FAM186A: variants seen among roughly 807,000 people sequenced by gnomAD.
FAM186A encodes the protein protein FAM186A.
Under a neutral mutation model 216.8 loss-of-function variants are expected in FAM186A, and 163 were observed. That is an observed-to-expected ratio of 0.75 (90% CI 0.66 to 0.86). The LOEUF is 0.86. FAM186A is among the 40% of genes least tolerant of loss of function. FAM186A has a pLI of 0.00. For synonymous variants in FAM186A, 805 were observed against 1,025.3 expected, an observed-to-expected ratio of 0.79 and a Z score of 4.10; for missense variants, 2,184 against 2,746.2, an observed-to-expected ratio of 0.80 and a Z score of 4.58.
In FAM186A at chr12:50,351,072, A is replaced by C; in HGVS notation, c.5760T>G (p.Ser1920=). The C allele has an allele frequency of 6.4e-7, 1 of 1,551,428 alleles. No homozygotes were observed. The highest frequency in any genetic ancestry group is 8.7e-7 in the Non-Finnish European group (1 of 1,146,958). The part of the protein sequence containing the change: ...LATWTLPGRA[S]SLWIPPTSRH... ...TAGAGGTGGGAGGGATCCATAATGAAGAAGCTCGCCCAGGAAGGGTCCATG... is the reference window on the plus strand; with the variant it reads ...TAGAGGTGGGAGGGATCCATAATGACGAAGCTCGCCCAGGAAGGGTCCATG... The change falls in exon 4 of 8, where the codon TCT becomes TCG. Residue 1920 remains serine, a synonymous_variant. Transcript: ENST00000327337.
rs1670969447 is a variant in FAM186A at position 50,334,045 on chromosome 12, T to A, written c.6562A>T (p.Arg2188Trp). The A allele has an allele frequency of 1.9e-6, 3 of 1,551,560 alleles. No homozygotes were observed. The African/African-American group carries it at 4.1e-5, about 21-fold the overall frequency. ...CTGCTCAGCATCATGTGGAGGTTCC[T>A]GGCCTCATAGCCTTTCCCAGTATTT... ...IQNTGKGYEA[R>W]NLHMMLSRLD... The change falls in exon 5 of 8, where the codon AGG becomes TGG. Residue 2188 changes from arginine to tryptophan, a missense_variant. By Grantham distance (101) the Arg-to-Trp change is moderately radical. Coordinates refer to ENST00000327337, the MANE Select transcript of FAM186A (RefSeq NM_001145475.3).
At chr12:50,383,045 C>T (rs933893952) in intron 1 of FAM186A, among the ~76,000 whole-genome samples, 1 of 151,526 alleles carries the variant, frequency 6.6e-6, no homozygotes, top group African/African-American at 2.4e-5. Context: ...GGAGAAACCC[C>T]ATCTCTATAA....
intron 2 of FAM186A, among the ~76,000 whole-genome samples, chr12:50,361,568 CTTTT>C (rs55919945): frequency 2.0e-4 from 26 of 133,276 alleles, no homozygotes; most frequent in South Asian, 2.4e-4. Context: ...ATCCAGTTGT[CTTTT>C]TTTTTTTTTT....
chr12:50,355,175 C>G lies in FAM186A; in HGVS notation c.1657G>C (p.Glu553Gln), dbSNP rs1439961125. 16 of 1,551,534 alleles carry G rather than the reference C, an allele frequency of 1.0e-5. No individual in the cohort carries two copies. The South Asian group carries it at 1.9e-4, about 18-fold the overall frequency. The change falls in exon 4 of 8, where the codon GAA (glutamate) becomes CAA (glutamine). Residue 553 changes from glutamate (E) to glutamine (Q), a missense_variant. By Grantham distance (29) the Glu-to-Gln change is conservative (BLOSUM62 2). Around this residue, in one of 7 missense-constraint regions of FAM186A, gnomAD observed 1,132 missense variants for 1,263.4 expected, o/e 0.90. Transcript: ENST00000327337. Reference protein sequence around the residue: ...MLEQFRKVKRESPFDKRPTAA... With the variant: ...MLEQFRKVKRQSPFDKRPTAA... ...GTTGGACGTTTGTCAAATGGAGATTCACGTTTGACCTTCCTAAATTGCTCC... is the reference window on the plus strand; with the variant it reads ...GTTGGACGTTTGTCAAATGGAGATTGACGTTTGACCTTCCTAAATTGCTCC...
At chr12:50,334,175 C>CA in intron 4 of FAM186A, 72 bp from the exon 5 acceptor site, 2 of 1,004,146 alleles carry the variant, frequency 2.0e-6, no homozygotes, top group Non-Finnish European at 2.7e-6. Flanking sequence ...TCCTCAGTTT[C>CA]TTTTTTTTTT....
chr12:50,380,404 G>A (rs143737054), intron 1 of FAM186A, among the ~76,000 whole-genome samples: 176 of 151,510 alleles, frequency 1.2e-3, no homozygotes, highest in South Asian at 3.3e-3. Context: ...GTTCGGGTGC[G>A]GTGGCTCACG....
chr12:50,369,985 G>A (rs1416132962), intron 1 of FAM186A, among the ~76,000 whole-genome samples: 1 of 151,466 alleles, frequency 6.6e-6, no homozygotes, highest in Non-Finnish European at 1.5e-5. Context: ...TTAGCCGGGC[G>A]TGGTGGTGGG....
chr12:50,350,987 G>C lies in FAM186A; in HGVS notation c.5845C>G (p.Pro1949Ala). The C allele has an allele frequency of 6.4e-7, 1 of 1,551,568 alleles. No homozygotes were observed. The highest frequency in any genetic ancestry group is 8.7e-7 in the Non-Finnish European group (1 of 1,146,978). Reference sequence around the variant, plus strand: ...GCCAATCTTTTCTTAGCAACAGAAGGGGACCAACTTTTCTGGGGCTTTCCA... The same window carrying C: ...GCCAATCTTTTCTTAGCAACAGAAGCGGACCAACTTTTCTGGGGCTTTCCA... ...APGKPQKSWS[P>A]SVAKKRLAII... Residue 1949 changes from proline to alanine, a missense_variant, in exon 4 of 8, where the codon CCT becomes GCT. Pro to Ala is a conservative substitution (Grantham distance 27). Coordinates refer to ENST00000327337, the MANE Select transcript of FAM186A (RefSeq NM_001145475.3).
intron 1 of FAM186A, among the ~76,000 whole-genome samples, chr12:50,388,973 C>T (rs1943331621): frequency 6.6e-6 from 1 of 151,822 alleles, no homozygotes; most frequent in East Asian, 1.9e-4. Context: ...TCACTTGAGC[C>T]TGGGAGGCGT....
intron 4 of FAM186A, among the ~76,000 whole-genome samples, chr12:50,341,789 C>T (rs1196981411): frequency 1.3e-5 from 2 of 152,030 alleles, no homozygotes; most frequent in Admixed American, 6.6e-5. Context: ...GAGCTGAGAT[C>T]GTGCCCCTGC....
At chr12:50,380,294 G>A (rs1440430569) in intron 1 of FAM186A, among the ~76,000 whole-genome samples, 2 of 152,068 alleles carry the variant, frequency 1.3e-5, no homozygotes, top group Non-Finnish European at 2.9e-5. Flanking sequence ...CTTAATAAAT[G>A]TCCTTCTTAT....
chr12:50,335,174 T>A (rs1031428250), intron 4 of FAM186A, among the ~76,000 whole-genome samples: 2 of 152,100 alleles, frequency 1.3e-5, no homozygotes, highest in Non-Finnish European at 2.9e-5. Flanking sequence ...AGAGGCTTGC[T>A]TGAGCCTAGG....
Position 50,356,011 on chromosome 12 carries a change from A to G in FAM186A, c.821T>C (p.Met274Thr), listed in dbSNP as rs1942972713. The part of the protein sequence containing the change: ...TIVNLSTALS[M>T]LNDELKCVNF... ...AACACATTTTAATTCATCATTTAGC[A>G]TACTCAAAGCTGTAGAAAGGTTTAC... The change falls in exon 4 of 8, where the codon ATG (methionine) becomes ACG (threonine). Residue 274 changes from methionine (M) to threonine (T), a missense_variant. Physicochemically the swap from Met to Thr is moderately conservative, Grantham distance 81 (BLOSUM62 -1). This residue lies in a region of FAM186A where 1,132 missense variants were observed against 1,263.4 expected (regional missense o/e 0.90). Transcript: ENST00000327337. The G allele has an allele frequency of 1.3e-6, 2 of 1,551,646 alleles. No homozygotes were observed. The highest frequency in any genetic ancestry group is 1.7e-6 in the Non-Finnish European group (2 of 1,146,978).
intron 1 of FAM186A, among the ~76,000 whole-genome samples, chr12:50,368,308 G>A (rs1943110101): frequency 6.6e-6 from 1 of 151,970 alleles, no homozygotes; most frequent in Non-Finnish European, 1.5e-5. Flanking sequence ...GGCTGAGGCA[G>A]GAGAATTTCT....
chr12:50,336,535 G>T (rs575139952), intron 4 of FAM186A, among the ~76,000 whole-genome samples: 15 of 152,156 alleles, frequency 9.9e-5, no homozygotes, highest in African/African-American at 3.6e-4. Context: ...TTAGTGGTAG[G>T]CTTCAGGAAT....
chr12:50,383,211 A>G (rs1002633233), intron 1 of FAM186A, among the ~76,000 whole-genome samples: 8 of 136,284 alleles, frequency 5.9e-5, no homozygotes, highest in African/African-American at 1.9e-4. Flanking sequence ...GATTGCAGCC[A>G]CTGCACACCA....
In FAM186A at chr12:50,354,935, G is replaced by C. The variant is rs1444243865; in HGVS notation, c.1897C>G (p.Gln633Glu). 8.4e-6 allele frequency: 13 copies of C among 1,550,526 alleles called. No individual in the cohort carries two copies. The East Asian group carries it at 3.2e-4, about 38-fold the overall frequency. The change falls in exon 4 of 8, where the codon CAA (glutamine) becomes GAA (glutamate). Residue 633 changes from glutamine (Q) to glutamate (E), a missense_variant. Gln to Glu is a conservative substitution (Grantham distance 29). This residue lies in a region of FAM186A where 1,132 missense variants were observed against 1,263.4 expected (regional missense o/e 0.90). Transcript: ENST00000327337. ...KTEEKEELTK[Q>E]VKSHQLVKSL... is the part of the protein sequence containing the mutation. The stretch of plus-strand genomic sequence containing the variant: ...TTAACAAGTTGATGAGACTTGACTT[G>C]TTTGGTCAACTCTTCCTTCTCTTCA...
At chr12:50,369,496 C>CAAAAA (rs35493660) in intron 1 of FAM186A, among the ~76,000 whole-genome samples, 1 of 114,402 alleles carries the variant, frequency 8.7e-6, no homozygotes, top group Non-Finnish European at 1.7e-5. Flanking sequence ...GACTCCGTCT[C>CAAAAA]AAAAAAAAAA....
At chr12:50,366,221 A>G (rs1242024063) in intron 1 of FAM186A, 2 of 556,628 alleles carry the variant, frequency 3.6e-6, no homozygotes, top group Non-Finnish European at 6.3e-6. Flanking sequence ...ACAGCAAATA[A>G]TAATTTAAGT....
Sources: allele counts gnomAD v4.1 joint callset (sites outside exome capture counted in the v4.1 genomes callset), GRCh38; gene constraint gnomAD v4.1.1; regional missense constraint gnomAD v4.1.1; transcripts MANE v1.5; gene names NCBI Gene and HGNC (gene_info 2026-07-23, HGNC 2026-07-21).